The following CCDC38 variants were observed in gnomAD, a reference collection of about 807,000 sequenced individuals.
CCDC38 encodes coiled-coil domain-containing protein 38.
Under a neutral mutation model 72.8 loss-of-function variants are expected in CCDC38, and 69 were observed. The ratio of observed to expected loss-of-function variants is 0.95; its 90% CI spans 0.78 to 1.16. The LOEUF is 1.16. Among genes scored for constraint, CCDC38 ranks in the 50% most tolerant of loss-of-function variants. The pLI, the probability that CCDC38 is intolerant of heterozygous loss-of-function variation, is 0.00. For missense variants in CCDC38, 626 were observed against 638.9 expected (o/e 0.98, Z 0.22); for synonymous variants, 201 against 213.2 (o/e 0.94, Z 0.50).
At position 95,869,483 on chromosome 12, in the gene CCDC38, T is replaced by C. The variant is rs1195735568; in HGVS notation, c.1575A>G (p.Lys525=). ...ATCTATTAATAGCAAAACAAACCTTTTTCTTTGGTTGTGCTACTGCTTTTT... is the reference window on the plus strand; with the variant it reads ...ATCTATTAATAGCAAAACAAACCTTCTTCTTTGGTTGTGCTACTGCTTTTT... ...ALEKAVAQPK[K]KLGRRLVFHS... The change falls in exon 15 of 16, where the codon AAA becomes AAG. Residue 525 remains lysine, a synonymous_variant. Transcript: ENST00000344280. The C allele has an allele frequency of 6.2e-7, 1 of 1,612,012 alleles. No individual in the cohort carries two copies. The highest frequency in any genetic ancestry group is 1.7e-5 in the Admixed American group (1 of 59,736).
intron 2 of CCDC38, among the ~76,000 whole-genome samples, chr12:95,921,141 G>C (rs1412944531): frequency 6.7e-6 from 1 of 148,468 alleles, no homozygotes; most frequent in Non-Finnish European, 1.5e-5. Context: ...AAAAAAAAAA[G>C]AAAAAGAAAA....
chr12:95,868,461 A>G (rs1299825238), intron 15 of CCDC38, among the ~76,000 whole-genome samples: 1 of 152,240 alleles, frequency 6.6e-6, no homozygotes, highest in Non-Finnish European at 1.5e-5. Flanking sequence ...TGAACTAGAT[A>G]AATACCTTTT....
intron 2 of CCDC38, among the ~76,000 whole-genome samples, chr12:95,929,906 C>T (rs568464013): frequency 6.6e-6 from 1 of 152,116 alleles, no homozygotes; most frequent in South Asian, 2.1e-4. Flanking sequence ...CTTCTGATGG[C>T]TCTAGACATT....
chr12:95,938,419 T>C (rs1315408321), intron 1 of CCDC38, among the ~76,000 whole-genome samples: 1 of 152,214 alleles, frequency 6.6e-6, no homozygotes, highest in Non-Finnish European at 1.5e-5. Context: ...CTATCTAAAT[T>C]CACTCTCCTT....
intron 1 of CCDC38, among the ~76,000 whole-genome samples, chr12:95,938,682 T>C (rs1337308167): frequency 6.6e-6 from 1 of 152,162 alleles, no homozygotes; most frequent in African/African-American, 2.4e-5. Flanking sequence ...GAATGAAAGG[T>C]TGGTGAACAA....
At chr12:95,933,300 A>G (rs994855972) in intron 2 of CCDC38, 1 of 152,220 alleles carries the variant, frequency 6.6e-6, no homozygotes. Context: ...GAGATGACAT[A>G]ATTGGGATAT....
At chr12:95,883,598 T>C (rs2079725050) in intron 10 of CCDC38, among the ~76,000 whole-genome samples, 1 of 152,218 alleles carries the variant, frequency 6.6e-6, no homozygotes, top group South Asian at 2.1e-4. Context: ...TCCCATGCCC[T>C]CACCTCTCCT....
chr12:95,906,577 G>C (rs7976101), intron 4 of CCDC38, 126 bp from the exon 5 acceptor site: 483,940 of 616,278 alleles, frequency 0.79, 192,207 homozygotes, highest in East Asian at 0.99. Flanking sequence ...ACTATATCTT[G>C]AAATAAACCT....
chr12:95,926,533 C>G (rs913038987), intron 2 of CCDC38, among the ~76,000 whole-genome samples: 1 of 152,042 alleles, frequency 6.6e-6, no homozygotes, highest in African/African-American at 2.4e-5. Context: ...TTTTGTGTCT[C>G]TATTTCCTTC....
chr12:95,940,707 G>C (rs554368259), intron 1 of CCDC38, among the ~76,000 whole-genome samples: 1 of 152,236 alleles, frequency 6.6e-6, no homozygotes, highest in South Asian at 2.1e-4. Context: ...GGAGCCACTG[G>C]GTCCTTGGCC....
chr12:95,882,012 G>C (rs774774753), intron 10 of CCDC38, among the ~76,000 whole-genome samples: 5 of 152,212 alleles, frequency 3.3e-5, no homozygotes, highest in Admixed American at 6.5e-5. Flanking sequence ...TTTAAGAGCA[G>C]ATTTTACTTC....
chr12:95,895,449 G>T (rs1438581329), intron 7 of CCDC38, among the ~76,000 whole-genome samples: 1 of 152,040 alleles, frequency 6.6e-6, no homozygotes, highest in Non-Finnish European at 1.5e-5. Context: ...GATATAGGGA[G>T]AAATTAGAAG....
In CCDC38 at chr12:95,906,464, T is replaced by C; in HGVS notation, c.305-13A>G. 1 of 1,598,694 alleles carries C rather than the reference T, an allele frequency of 6.3e-7. No individual in the cohort carries two copies. The highest frequency in any genetic ancestry group is 8.6e-7 in the Non-Finnish European group (1 of 1,167,092). Reference sequence around the variant, plus strand: ...TTTGTGTCGGAACCTGTGAAGAAAGTTGAAATAGACTTAAGTTTAGTTCAT... The same window carrying C: ...TTTGTGTCGGAACCTGTGAAGAAAGCTGAAATAGACTTAAGTTTAGTTCAT... On this transcript the variant is annotated splice_polypyrimidine_tract_variant and intron_variant, in intron 4 of 15. Coordinates refer to ENST00000344280, the MANE Select transcript of CCDC38 (RefSeq NM_182496.3).
intron 4 of CCDC38, among the ~76,000 whole-genome samples, chr12:95,908,208 C>A (rs1009472856): frequency 6.6e-6 from 1 of 151,730 alleles, no homozygotes; most frequent in East Asian, 2.0e-4. Flanking sequence ...GTCTGCAATC[C>A]CGGCACCTCG....
rs2079784386 is a variant in CCDC38 at position 95,888,446 on chromosome 12, T to C, written c.920+12A>G. 6.2e-7 allele frequency: 1 copy of C among 1,612,942 alleles called. No individual in the cohort carries two copies. The highest frequency in any genetic ancestry group is 8.5e-7 in the Non-Finnish European group (1 of 1,178,986). ...CCAGTTTCCAAGGGAGTTAGTCAAGTATATACTGTACTTTGATTTCTTTTT... is the reference window on the plus strand; with the variant it reads ...CCAGTTTCCAAGGGAGTTAGTCAAGCATATACTGTACTTTGATTTCTTTTT... On this transcript the variant is annotated intron_variant, in intron 10 of 15. Coordinates refer to ENST00000344280, the MANE Select transcript of CCDC38 (RefSeq NM_182496.3).
rs750820101 is a variant in CCDC38, at chr12:95,898,583, A to G, written c.518T>C (p.Val173Ala). 7 of 1,614,090 alleles carry G rather than the reference A, an allele frequency of 4.3e-6. No individual in the cohort carries two copies. The highest frequency in any genetic ancestry group is 4.2e-6 in the Non-Finnish European group (5 of 1,180,028). ...EFLRENDQRSVDALKMAAQET... is the reference protein window; with the variant it reads ...EFLRENDQRSADALKMAAQET... ...TGAAACAAACATTTTCAGAGCGTCT[A>G]CAGATCTCTGGTCATTTTCTCGAAG... The change falls in exon 6 of 16, where the codon GTA (valine) becomes GCA (alanine). Residue 173 changes from valine (V) to alanine (A), a missense_variant. Physicochemically the swap from Val to Ala is moderately conservative, Grantham distance 64. Transcript: ENST00000344280.
At chr12:95,908,114 C>T (rs10859978) in intron 4 of CCDC38, among the ~76,000 whole-genome samples, 84,842 of 151,442 alleles carry the variant, frequency 0.56, 25,582 homozygotes, top group African/African-American at 0.77. Flanking sequence ...GGCAGGCTGC[C>T]GGGAGGTGGA....
At chr12:95,888,602 G>C in intron 9 of CCDC38, 96 bp from the exon 10 acceptor site, 2 of 1,105,310 alleles carry the variant, frequency 1.8e-6, no homozygotes, top group African/African-American at 1.6e-5. Flanking sequence ...CTTGGTGCAA[G>C]GTATTCATTT....
At chr12:95,893,395 A>C in intron 8 of CCDC38, among the ~76,000 whole-genome samples, 2 of 145,676 alleles carry the variant, frequency 1.4e-5, no homozygotes, top group Admixed American at 6.9e-5. Context: ...TCTTAGATTT[A>C]ACTTATCTTC....
Sources: gnomAD v4.1 joint callset for allele counts (sites outside exome capture counted in the v4.1 genomes callset) on GRCh38, gnomAD v4.1.1 for gene constraint, MANE v1.5 for transcripts, NCBI Gene and HGNC (gene_info 2026-07-23, HGNC 2026-07-21) for gene names.